The following CHODL variants were observed in gnomAD, a reference collection of about 807,000 sequenced individuals.
CHODL encodes the protein transmembrane protein MT75.
In CHODL, 29 loss-of-function variants were observed where a neutral mutation model predicts 34.5. The ratio of observed to expected loss-of-function variants is 0.84; its 90% CI spans 0.63 to 1.15. The LOEUF (loss-of-function observed/expected upper bound fraction) is 1.15, where lower values mean the gene tolerates loss of function less well. CHODL is among the 50% of genes most tolerant of loss of function. The pLI, the probability that CHODL is intolerant of heterozygous loss-of-function variation, is 0.00. For synonymous variants in CHODL, 125 were observed against 116.1 expected (o/e 1.08, Z -0.49); for missense variants, 332 against 332.5 (o/e 1.00, Z 0.01).
intron 1 of CHODL, among the ~76,000 whole-genome samples, chr21:18,249,615 A>C (rs989888377): frequency 1.3e-5 from 2 of 152,264 alleles, no homozygotes; most frequent in Admixed American, 6.5e-5. Flanking sequence ...GTTTGTGTTC[A>C]TCAATCCCTT....
intron 2 of CHODL, among the ~76,000 whole-genome samples, chr21:18,047,490 T>C (rs1339963947): frequency 1.3e-5 from 2 of 151,952 alleles, no homozygotes; most frequent in Non-Finnish European, 2.9e-5. Context: ...GGCTTGTAAC[T>C]GTATATGCTA....
intron 2 of CHODL, among the ~76,000 whole-genome samples, chr21:18,090,197 A>T (rs1389282237): frequency 6.6e-6 from 1 of 152,254 alleles, no homozygotes; most frequent in Non-Finnish European, 1.5e-5. Context: ...AAACAGAAAG[A>T]CAAAAACATA....
chr21:18,238,659 G>A (rs937550957), intron 2 of CHODL, among the ~76,000 whole-genome samples: 11 of 152,054 alleles, frequency 7.2e-5, no homozygotes, highest in Non-Finnish European at 1.2e-4. Context: ...TTAAGATTGT[G>A]AGGTCTAGCT....
At chr21:17,959,328 C>G (rs908896703) in intron 1 of CHODL, among the ~76,000 whole-genome samples, 6 of 152,148 alleles carry the variant, frequency 3.9e-5, no homozygotes, top group Non-Finnish European at 5.9e-5. Flanking sequence ...ACTCTGTCCA[C>G]TACGTTTTTG....
At chr21:18,172,993 T>C (rs1839708282) in intron 2 of CHODL, among the ~76,000 whole-genome samples, 1 of 152,186 alleles carries the variant, frequency 6.6e-6, no homozygotes, top group Non-Finnish European at 1.5e-5. Flanking sequence ...CAGTTTTAGA[T>C]CTGAGGCTCT....
Position 18,145,294 on chromosome 21 carries a change from G to A in CHODL, c.-44-111215G>A, listed in dbSNP as rs371270315. The stretch of plus-strand genomic sequence containing the variant: ...CTACTAAAAATACAAAAAATTAGCC[G>A]GGCGCGGTGGCGGGCGCCTGTAGTC... On this transcript the variant is annotated intron_variant, in intron 2 of 6. Transcript: ENST00000400127. Among the ~76,000 whole-genome samples the A allele has an allele frequency of 3.2e-3, 473 of 148,532 alleles. 5 individuals are homozygous for A. The highest frequency in any genetic ancestry group is 0.011 in the African/African-American group (445 of 40,616).
chr21:18,220,315 A>G (rs55896997), intron 2 of CHODL, among the ~76,000 whole-genome samples: 17,584 of 152,000 alleles, frequency 0.12, 1,650 homozygotes, highest in African/African-American at 0.26. Context: ...AATTTAAACT[A>G]TTTACATTCA....
upstream of CHODL, among the ~76,000 whole-genome samples, chr21:18,240,688 A>G (rs1156930574): frequency 1.3e-5 from 2 of 152,204 alleles, no homozygotes; most frequent in Admixed American, 6.5e-5. Flanking sequence ...ATACCAGATT[A>G]CCAGCAATAG....
intron 1 of CHODL, among the ~76,000 whole-genome samples, chr21:17,921,252 T>G (rs1600965825): frequency 6.6e-6 from 1 of 152,190 alleles, no homozygotes; most frequent in Non-Finnish European, 1.5e-5. Flanking sequence ...AGGAGGCTGG[T>G]CTTTTTGTTC....
chr21:18,125,932 G>A (rs2065538179), intron 2 of CHODL, among the ~76,000 whole-genome samples: 1 of 152,168 alleles, frequency 6.6e-6, no homozygotes. Context: ...CAGGTAAAAT[G>A]CTATCAAACA....
At chr21:18,232,619 C>A (rs959090059) in intron 2 of CHODL, among the ~76,000 whole-genome samples, 7 of 151,932 alleles carry the variant, frequency 4.6e-5, no homozygotes, top group African/African-American at 1.7e-4. Context: ...TTGTGGGGAG[C>A]AAACATTCAG....
intron 2 of CHODL, among the ~76,000 whole-genome samples, chr21:18,216,762 C>A (rs1294990721): frequency 6.6e-6 from 1 of 152,168 alleles, no homozygotes; most frequent in Non-Finnish European, 1.5e-5. Flanking sequence ...CAAGCACCTT[C>A]TTCATGAGGT....
chr21:18,265,848 G>A, intron 5 of CHODL, 106 bp from the exon 6 acceptor site: 1 of 789,582 alleles, frequency 1.3e-6, no homozygotes, highest in Non-Finnish European at 2.0e-6. Flanking sequence ...TGCTGAGAGG[G>A]GGAGTCTTTC....
chr21:17,986,947 A>T (rs940487486), intron 1 of CHODL, among the ~76,000 whole-genome samples: 1 of 152,206 alleles, frequency 6.6e-6, no homozygotes, highest in Admixed American at 6.5e-5. Flanking sequence ...ACCATGGTAG[A>T]TGGCCATGGG....
chr21:18,197,881 G>A (rs1424403623), intron 2 of CHODL, among the ~76,000 whole-genome samples: 2 of 152,146 alleles, frequency 1.3e-5, no homozygotes, highest in Admixed American at 6.5e-5. Context: ...TCAACCTTAC[G>A]ATTACTCACA....
chr21:17,975,106 A>G (rs158611), intron 1 of CHODL, among the ~76,000 whole-genome samples: 36,633 of 151,944 alleles, frequency 0.24, 4,730 homozygotes, highest in Non-Finnish European at 0.3. Flanking sequence ...GCCAGGTGGA[A>G]CACGAGGTCA....
rs10671177 is a variant in CHODL, at chr21:18,145,435, C to CAAAAAAAAAAAA, written c.-44-111063_-44-111052dup. Among the ~76,000 whole-genome samples, 2 of 60,894 alleles carry CAAAAAAAAAAAA rather than the reference C, an allele frequency of 3.3e-5. 1 individual carries two copies. The allele number at this position is 60,894 out of a possible 152,430, so 39.9% of individuals were successfully genotyped here. A position where few individuals can be genotyped will look rare whatever the true frequency, so the allele number is the denominator to read the frequency against. ...CTAGGGGACGAGTGAGACTACCTTTCAAAAAAAAAAAAAAAAAAAAAAGCG... is the reference window on the plus strand; with the variant it reads ...CTAGGGGACGAGTGAGACTACCTTTCAAAAAAAAAAAAAAAAAAAAAAAAAAAAAAAAAAGCG... On this transcript the variant is annotated intron_variant, in intron 2 of 6. Coordinates refer to the CHODL transcript ENST00000400127.
At chr21:18,025,861 G>A (rs2064169930) in intron 1 of CHODL, among the ~76,000 whole-genome samples, 1 of 152,028 alleles carries the variant, frequency 6.6e-6, no homozygotes, top group Non-Finnish European at 1.5e-5. Flanking sequence ...CAAATTTCCT[G>A]TTCTTATAAG....
chr21:18,028,261 T>TTCC, intron 2 of CHODL, among the ~76,000 whole-genome samples: 1 of 79,468 alleles, frequency 1.3e-5, no homozygotes, highest in Non-Finnish European at 2.6e-5. Flanking sequence ...TCCTTTTCTT[T>TTCC]TTCTTTTTCC....
Sources: allele counts gnomAD v4.1 joint callset (sites outside exome capture counted in the v4.1 genomes callset), GRCh38; gene constraint gnomAD v4.1.1; transcripts MANE v1.5; gene names NCBI Gene and HGNC (gene_info 2026-07-23, HGNC 2026-07-21).